Variants in THSD4 observed in about 807,000 individuals in gnomAD.
The protein encoded by THSD4 is thrombospondin type 1 domain containing 4.
In THSD4, 69 loss-of-function variants were observed where a neutral mutation model predicts 119.0. That is an observed-to-expected ratio of 0.58 (90% CI 0.48 to 0.71). THSD4 has a LOEUF of 0.71. Ranked by LOEUF, THSD4 falls within the 30% of genes least tolerant of loss-of-function variation. THSD4 has a pLI of 0.00. For synonymous variants in THSD4, 524 were observed against 540.4 expected (o/e 0.97, Z 0.42); for missense variants, 1,393 against 1,391.1 (o/e 1.00, Z -0.02).
chr15:71,430,780 A>AAAG (rs2046933728), intron 7 of THSD4, among the ~76,000 whole-genome samples: 1 of 134,482 alleles, frequency 7.4e-6, no homozygotes, highest in Admixed American at 7.6e-5. Context: ...AAAAAAAAAA[A>AAAG]AAAGAGAGTT....
At chr15:71,683,133 G>C (rs1486986394) in intron 8 of THSD4, among the ~76,000 whole-genome samples, 1 of 151,778 alleles carries the variant, frequency 6.6e-6, no homozygotes, top group East Asian at 1.9e-4. Context: ...TATTGGCCAG[G>C]CTGGCCTCGA....
In THSD4 at chr15:71,413,517, G is replaced by GT. The variant is rs200056643; in HGVS notation, c.1152+1701dup. Among the ~76,000 whole-genome samples, 956 of 152,118 alleles carry GT rather than the reference G, an allele frequency of 6.3e-3. 5 individuals are homozygous for GT. Among genetic ancestry groups the GT allele is most frequent in the African/African-American group, 0.022 (910 of 41,500 alleles). ...CTCAGTCTTCAGGAGTTCAATTTTG[G>GT]TTTTTTTAGCTCCCACATGTGAGTG... On this transcript the variant is annotated intron_variant, in intron 7 of 17. Coordinates refer to ENST00000261862, the MANE Select transcript of THSD4 (RefSeq NM_024817.3).
intron 1 of THSD4, among the ~76,000 whole-genome samples, chr15:71,099,959 T>A (rs1314709597): frequency 6.6e-6 from 1 of 152,192 alleles, no homozygotes; most frequent in Non-Finnish European, 1.5e-5. Context: ...TTTCTTTGTT[T>A]GTTTGTTTTG....
chr15:71,708,797 T>C (rs2052446051), intron 8 of THSD4, among the ~76,000 whole-genome samples: 1 of 152,166 alleles, frequency 6.6e-6, no homozygotes, highest in Non-Finnish European at 1.5e-5. Flanking sequence ...CACCACCTAA[T>C]TTCTGTCAGC....
intron 14 of THSD4, among the ~76,000 whole-genome samples, chr15:71,752,995 C>T (rs540110391): frequency 6.6e-6 from 1 of 152,142 alleles, no homozygotes; most frequent in Non-Finnish European, 1.5e-5. Flanking sequence ...CAGTCATGAA[C>T]GAGACACAGC....
rs772038155 is a variant in THSD4 at position 71,728,602 on chromosome 15, C to T, written c.1411C>T (p.Arg471Ter). The change falls in exon 9 of 18, where the codon CGA becomes TGA. Residue 471 changes from arginine (R) to a stop codon, truncating the protein, a stop_gained. Transcript: ENST00000261862. LOFTEE classifies it high-confidence loss of function. ...CATCAATGGGAACTGGGCAATTGAT[C>T]GACCAGGAAAATACGAGGGCGGAGG... Reference protein sequence around the residue: ...SIINGNWAIDRPGKYEGGGTM... With the variant: ...SIINGNWAID 2 of 1,614,120 alleles carry T rather than the reference C, an allele frequency of 1.2e-6. No individual in the cohort carries two copies. The highest frequency in any genetic ancestry group is 1.7e-5 in the Admixed American group (1 of 60,016).
rs138182672 is a variant in THSD4 at position 71,588,673 on chromosome 15, A to G, written c.1153-71857A>G. Among the ~76,000 whole-genome samples, 529 of 152,186 alleles carry G rather than the reference A, an allele frequency of 3.5e-3. 1 individual carries two copies. Among genetic ancestry groups the G allele is most frequent in the Non-Finnish European group, 6.3e-3 (430 of 68,014 alleles). ...GGTCTCGAATTCCTGGGCTCAAACA[A>G]TCCACCCACCTTGGCCTTCCAAAGT... is the stretch of plus-strand genomic sequence containing the variant. On this transcript the variant is annotated intron_variant, in intron 7 of 17. Coordinates refer to ENST00000261862, the MANE Select transcript of THSD4 (RefSeq NM_024817.3).
At chr15:71,139,945 G>A (rs2040587238) in intron 1 of THSD4, among the ~76,000 whole-genome samples, 1 of 152,228 alleles carries the variant, frequency 6.6e-6, no homozygotes, top group African/African-American at 2.4e-5. Flanking sequence ...TTACTACGTT[G>A]CAACCAACCC....
chr15:71,395,279 CTCTGGGAGGCTGCTAA>C (rs1196493670), intron 6 of THSD4, among the ~76,000 whole-genome samples: 4 of 152,140 alleles, frequency 2.6e-5, no homozygotes, highest in African/African-American at 9.7e-5. Flanking sequence ...GCCAAGAGCC[CTCTGGGAGGCTGCTAA>C]GGGACATGCC....
chr15:71,672,553 C>T (rs975907155), intron 8 of THSD4, among the ~76,000 whole-genome samples: 6 of 152,158 alleles, frequency 3.9e-5, no homozygotes, highest in Admixed American at 2.0e-4. Context: ...AGAGGGCATC[C>T]CTGTCTTGTG....
At chr15:71,320,007 T>C (rs1038940982) in intron 6 of THSD4, among the ~76,000 whole-genome samples, 5 of 152,196 alleles carry the variant, frequency 3.3e-5, no homozygotes, top group African/African-American at 1.2e-4. Context: ...CATTTTTAAA[T>C]TGGTGGTTGT....
chr15:71,497,861 T>C (rs2140720390), intron 7 of THSD4, among the ~76,000 whole-genome samples: 1 of 152,330 alleles, frequency 6.6e-6, no homozygotes, highest in East Asian at 1.9e-4. Context: ...GAAAAATAAA[T>C]GGGCTTGATG....
intron 7 of THSD4, among the ~76,000 whole-genome samples, chr15:71,530,804 GA>G (rs5813642): frequency 1.3e-5 from 2 of 149,748 alleles, no homozygotes; most frequent in Non-Finnish European, 3.0e-5. Context: ...CCAAGCCCCC[GA>G]AAAAAAAAAT....
At chr15:71,444,863 G>A (rs764708692) in intron 7 of THSD4, among the ~76,000 whole-genome samples, 12 of 152,004 alleles carry the variant, frequency 7.9e-5, no homozygotes, top group African/African-American at 2.4e-4. Context: ...TCATTTTACC[G>A]TCAGAGGGAT....
At chr15:71,198,739 G>C (rs1006707766) in intron 3 of THSD4, among the ~76,000 whole-genome samples, 1 of 152,306 alleles carries the variant, frequency 6.6e-6, no homozygotes, top group South Asian at 2.1e-4. Context: ...GTGGGCTCTA[G>C]GTAGAGTTAA....
intron 3 of THSD4, among the ~76,000 whole-genome samples, chr15:71,196,588 A>G (rs1479555685): frequency 6.6e-6 from 1 of 152,164 alleles, no homozygotes; most frequent in African/African-American, 2.4e-5. Flanking sequence ...GACACCAAGT[A>G]TCATAGGAGG....
At chr15:71,300,811 G>A (rs984382732) in intron 6 of THSD4, among the ~76,000 whole-genome samples, 3 of 152,180 alleles carry the variant, frequency 2.0e-5, no homozygotes, top group African/African-American at 7.2e-5. Context: ...AATGCATTGT[G>A]CTGGCAAGTT....
At chr15:71,709,961 G>T (rs1163770652) in intron 8 of THSD4, among the ~76,000 whole-genome samples, 1 of 152,208 alleles carries the variant, frequency 6.6e-6, no homozygotes, top group African/African-American at 2.4e-5. Context: ...TCAAGACGGG[G>T]TGAGCGGCTA....
chr15:71,613,828 A>G (rs1033397754), intron 7 of THSD4, among the ~76,000 whole-genome samples: 2 of 152,156 alleles, frequency 1.3e-5, no homozygotes, highest in Non-Finnish European at 2.9e-5. Flanking sequence ...GCTGAGCAAT[A>G]TGCCTCCTTT....
Sources: allele counts gnomAD v4.1 joint callset (sites outside exome capture counted in the v4.1 genomes callset), GRCh38; gene constraint gnomAD v4.1.1; transcripts MANE v1.5; gene names NCBI Gene and HGNC (gene_info 2026-07-23, HGNC 2026-07-21).